Variants in PRKN observed in about 807,000 individuals in gnomAD.
The protein encoded by PRKN is E3 ubiquitin-protein ligase parkin.
PRKN carries 56 observed loss-of-function variants against 59.5 expected under a neutral mutation model. The ratio of observed to expected loss-of-function variants is 0.94; its 90% CI spans 0.76 to 1.18. The LOEUF is 1.18. Ranked by LOEUF, PRKN falls within the 50% of genes most tolerant of loss-of-function variation. PRKN has a pLI of 0.00. For synonymous variants in PRKN, 250 were observed against 222.1 expected (o/e 1.13, Z -1.12); for missense variants, 657 against 596.4 (o/e 1.10, Z -1.06).
intron 1 of PRKN, among the ~76,000 whole-genome samples, chr6:162,588,162 C>T (rs573516850): frequency 4.0e-5 from 6 of 151,816 alleles, no homozygotes; most frequent in East Asian, 2.0e-4. Context: ...AGGTGCATGC[C>T]GCCATCCCTA....
chr6:161,609,429 G>T (rs1028595761), intron 7 of PRKN, among the ~76,000 whole-genome samples: 1 of 151,910 alleles, frequency 6.6e-6, no homozygotes, highest in Non-Finnish European at 1.5e-5. Context: ...TAGTTCAATG[G>T]CATCTTAATA....
At chr6:161,434,363 C>T (rs1215270810) in intron 9 of PRKN, among the ~76,000 whole-genome samples, 4 of 152,154 alleles carry the variant, frequency 2.6e-5, no homozygotes, top group South Asian at 2.1e-4. Context: ...CCCAGGCTAA[C>T]GTCTACGGTG....
chr6:161,955,785 G>T (rs1780149565), intron 6 of PRKN, among the ~76,000 whole-genome samples: 1 of 152,186 alleles, frequency 6.6e-6, no homozygotes, highest in Non-Finnish European at 1.5e-5. Flanking sequence ...GAGAGGTGGA[G>T]GTTGCAGTGA....
At chr6:161,813,341 C>G (rs1791638852) in intron 6 of PRKN, among the ~76,000 whole-genome samples, 1 of 152,140 alleles carries the variant, frequency 6.6e-6, no homozygotes, top group Non-Finnish European at 1.5e-5. Flanking sequence ...GAGGGGATGT[C>G]CCCAGCCTCA....
chr6:162,323,915 A>C (rs1194079273), intron 2 of PRKN, among the ~76,000 whole-genome samples: 1 of 152,088 alleles, frequency 6.6e-6, no homozygotes, highest in African/African-American at 2.4e-5. Context: ...GCATATGTCT[A>C]TTCAATAATT....
intron 1 of PRKN, among the ~76,000 whole-genome samples, chr6:162,582,695 C>G (rs1780836254): frequency 6.6e-6 from 1 of 152,108 alleles, no homozygotes; most frequent in South Asian, 2.1e-4. Context: ...TTATTTTAAG[C>G]TTTTGAATCC....
At chr6:161,900,800 TAATAA>T (rs1266942561) in intron 6 of PRKN, among the ~76,000 whole-genome samples, 6 of 135,416 alleles carry the variant, frequency 4.4e-5, no homozygotes, top group Admixed American at 2.4e-4. Context: ...TATAAATATA[TAATAA>T]AATAATATGT....
chr6:161,600,158 T>C (rs2128143228), intron 7 of PRKN, among the ~76,000 whole-genome samples: 1 of 152,346 alleles, frequency 6.6e-6, no homozygotes, highest in Admixed American at 6.5e-5. Context: ...TAATTTTTAT[T>C]CCTTACTTGG....
At chr6:162,299,128 T>G (rs1488599990) in intron 2 of PRKN, among the ~76,000 whole-genome samples, 1 of 152,196 alleles carries the variant, frequency 6.6e-6, no homozygotes, top group South Asian at 2.1e-4. Flanking sequence ...GAGGCAGAGC[T>G]GCTGGAACAC....
rs1270393713 is a variant in PRKN, at chr6:161,526,431, C to T, written c.1083+22423G>A. 2.0e-5 allele frequency among the ~76,000 whole-genome samples: 3 copies of T among 152,172 alleles called. No individual in the cohort carries two copies. Among genetic ancestry groups the T allele is most frequent in the Admixed American group, 6.5e-5 (1 of 15,270 alleles). On this transcript the variant is annotated intron_variant, in intron 9 of 11. Coordinates refer to ENST00000366898, the MANE Select transcript of PRKN (RefSeq NM_004562.3). The surrounding 1 kb of genome is among the most constrained non-coding windows in gnomAD (Gnocchi z 4.1). ...ATGGGCAAAAAGTTTCTCGAATGCACACAAACTAAAATATTAAGTGATATT... is the reference window on the plus strand; with the variant it reads ...ATGGGCAAAAAGTTTCTCGAATGCATACAAACTAAAATATTAAGTGATATT...
chr6:162,160,046 T>C (rs951152108), intron 4 of PRKN, among the ~76,000 whole-genome samples: 8 of 152,152 alleles, frequency 5.3e-5, no homozygotes, highest in African/African-American at 1.9e-4. Context: ...ATTGTATAAA[T>C]TGGACTTTAT....
chr6:161,672,737 C>T (rs571678592), intron 7 of PRKN, among the ~76,000 whole-genome samples: 13 of 152,174 alleles, frequency 8.5e-5, no homozygotes, highest in Non-Finnish European at 1.5e-4. Context: ...GATCACACCA[C>T]TGCACTCCAG....
At chr6:162,643,397 CAAAAA>C (rs59995115) in intron 1 of PRKN, among the ~76,000 whole-genome samples, 2 of 82,488 alleles carry the variant, frequency 2.4e-5, no homozygotes, top group African/African-American at 5.3e-5. Flanking sequence ...GACTCTGCCT[CAAAAA>C]AAAAAAAAAA....
chr6:162,175,209 T>C (rs1032907940), intron 4 of PRKN, among the ~76,000 whole-genome samples: 4 of 152,200 alleles, frequency 2.6e-5, no homozygotes, highest in Non-Finnish European at 5.9e-5. Context: ...AGGCAAGCTG[T>C]CCCAGAGGTC....
chr6:162,413,942 G>T (rs1238440380), intron 2 of PRKN, among the ~76,000 whole-genome samples: 1 of 152,148 alleles, frequency 6.6e-6, no homozygotes, highest in Non-Finnish European at 1.5e-5. Flanking sequence ...AGCACTTTGG[G>T]AGGCTGAGGC....
At chr6:162,525,285 G>T (rs1045810991) in intron 1 of PRKN, among the ~76,000 whole-genome samples, 5 of 152,176 alleles carry the variant, frequency 3.3e-5, no homozygotes, top group Middle Eastern at 3.4e-3. Context: ...GGTGCTCTCT[G>T]ACTTCATCTC....
intron 2 of PRKN, among the ~76,000 whole-genome samples, chr6:162,408,139 C>T (rs536930230): frequency 3.2e-4 from 48 of 152,134 alleles, no homozygotes; most frequent in Non-Finnish European, 5.0e-4. Flanking sequence ...CCTGCTGATT[C>T]CCTCATTAGT....
Position 161,490,860 on chromosome 6 carries a change from T to A in PRKN, c.1083+57994A>T, listed in dbSNP as rs1005817835. ...TCTCGTGATCATGAGTGAGTTATCG[T>A]GAGATCTGGTTGTTTAAAAGTGTGG... On this transcript the variant is annotated intron_variant, in intron 9 of 11. Transcript: ENST00000366898. Among the ~76,000 whole-genome samples, 5 of 152,172 alleles carry A rather than the reference T, an allele frequency of 3.3e-5. No individual in the cohort carries two copies. The East Asian group carries it at 7.8e-4, about 24-fold the overall frequency.
At position 162,620,771 on chromosome 6, in the gene PRKN, C is replaced by A. The variant is rs532665339; in HGVS notation, c.7+106891G>T. Among the ~76,000 whole-genome samples the A allele has an allele frequency of 3.9e-5, 6 of 152,178 alleles. No homozygotes were observed. In the South Asian group the frequency reaches 1.0e-3, roughly 26 times the overall value. The stretch of plus-strand genomic sequence containing the variant: ...GTCTTTCTATGTTGTTCAGGCTGGC[C>A]TCCAACTCCTGGCATTAAGCAATCC... On this transcript the variant is annotated intron_variant, in intron 1 of 11. Coordinates refer to ENST00000366898, the MANE Select transcript of PRKN (RefSeq NM_004562.3).
Sources: allele counts gnomAD v4.1 joint callset (sites outside exome capture counted in the v4.1 genomes callset), GRCh38; gene constraint gnomAD v4.1.1; non-coding constraint Gnocchi (gnomAD v3.1); transcripts MANE v1.5; gene names NCBI Gene and HGNC (gene_info 2026-07-23, HGNC 2026-07-21).